Variants in CALN1 observed in about 807,000 individuals in gnomAD.
CALN1 encodes the protein calneuron 1, also known as calcium-binding protein 8.
In CALN1, 17 loss-of-function variants were observed where a neutral mutation model predicts 30.6. That is an observed-to-expected ratio of 0.56 (90% confidence interval 0.38 to 0.83). The LOEUF (loss-of-function observed/expected upper bound fraction) is 0.83. Ranked by LOEUF, CALN1 falls within the 40% of genes least tolerant of loss-of-function variation. The probability of loss-of-function intolerance (pLI) is 0.00; values close to 1 mark genes in which losing one functional copy is unlikely to be tolerated. For synonymous variants in CALN1, 156 were observed against 131.4 expected (o/e 1.19, Z -1.28); for missense variants, 291 against 354.9 (o/e 0.82, Z 1.45).
intron 5 of CALN1, among the ~76,000 whole-genome samples, chr7:71,877,013 G>C (rs1409364630): frequency 3.3e-5 from 5 of 151,964 alleles, no homozygotes; most frequent in Non-Finnish European, 5.9e-5. Context: ...TTGTTTCTTT[G>C]TTTTTGTTTT....
At position 72,231,115 on chromosome 7, in the gene CALN1, C is replaced by T. The variant is rs574714525; in HGVS notation, c.244+47571G>A. On this transcript the variant is annotated intron_variant, in intron 3 of 6. Coordinates refer to ENST00000395275, the MANE Select transcript of CALN1 (RefSeq NM_031468.4). ...CTATCAGATCAACTGTTGCAGTACACGCTTTTTTTTTTTAATTTTTATTTT... is the reference window on the plus strand; with the variant it reads ...CTATCAGATCAACTGTTGCAGTACATGCTTTTTTTTTTTAATTTTTATTTT... Among the ~76,000 whole-genome samples, 5 of 152,020 alleles carry T rather than the reference C, an allele frequency of 3.3e-5. No homozygotes were observed. The South Asian group carries it at 8.3e-4, about 25-fold the overall frequency.
chr7:71,792,757 C>T (rs1012346998), intron 6 of CALN1, among the ~76,000 whole-genome samples: 6 of 152,010 alleles, frequency 3.9e-5, no homozygotes, highest in Non-Finnish European at 7.4e-5. Context: ...CCGAAGGCAG[C>T]CCTTTTCCAT....
intron 4 of CALN1, among the ~76,000 whole-genome samples, chr7:72,088,026 G>A (rs1805595892): frequency 6.6e-6 from 1 of 152,108 alleles, no homozygotes; most frequent in Non-Finnish European, 1.5e-5. Context: ...AAATTTGCCA[G>A]GTGTGGTTGC....
intron 5 of CALN1, among the ~76,000 whole-genome samples, chr7:71,921,966 A>G (rs1447388386): frequency 6.6e-6 from 1 of 152,096 alleles, no homozygotes; most frequent in Non-Finnish European, 1.5e-5. Flanking sequence ...TCCTGTGCAC[A>G]CATTTCCATT....
chr7:72,389,823 G>A (rs1175442123), intron 2 of CALN1, among the ~76,000 whole-genome samples: 2 of 152,054 alleles, frequency 1.3e-5, no homozygotes, highest in Admixed American at 6.5e-5. Flanking sequence ...GGAGGCTGAG[G>A]CAGGAGAATC....
At chr7:72,210,995 A>C (rs905773875) in intron 3 of CALN1, among the ~76,000 whole-genome samples, 1 of 152,088 alleles carries the variant, frequency 6.6e-6, no homozygotes, top group Non-Finnish European at 1.5e-5. Context: ...TCAAGGCTGT[A>C]GTGAGCTATG....
intron 5 of CALN1, among the ~76,000 whole-genome samples, chr7:72,020,584 C>G (rs1232585080): frequency 1.3e-5 from 2 of 152,128 alleles, no homozygotes; most frequent in African/African-American, 4.8e-5. Flanking sequence ...TGGGTGAGCA[C>G]TAGCAGGAGA....
intron 5 of CALN1, among the ~76,000 whole-genome samples, chr7:71,979,671 G>GT (rs56780753): frequency 6.6e-6 from 1 of 151,994 alleles, no homozygotes; most frequent in Non-Finnish European, 1.5e-5. Context: ...CGGCCGGGGG[G>GT]TTGGGGACCC....
At chr7:71,870,094 CAA>C (rs1348578530) in intron 5 of CALN1, among the ~76,000 whole-genome samples, 3 of 152,098 alleles carry the variant, frequency 2.0e-5, no homozygotes, top group African/African-American at 4.8e-5. Context: ...TGTTAAGAAA[CAA>C]AGAGTGGCTG....
At chr7:72,402,453 A>G (rs1322999725) in intron 2 of CALN1, among the ~76,000 whole-genome samples, 2 of 152,178 alleles carry the variant, frequency 1.3e-5, no homozygotes, top group Non-Finnish European at 2.9e-5. Flanking sequence ...AAAGCTGGAG[A>G]TCCCATTCTG....
At chr7:72,232,523 C>G (rs866795302) in intron 3 of CALN1, among the ~76,000 whole-genome samples, 59 of 152,298 alleles carry the variant, frequency 3.9e-4, no homozygotes, top group African/African-American at 1.3e-3. Context: ...TGCAGTGGCA[C>G]CATCTTGGCT....
At chr7:72,211,883 A>T (rs180896433) in intron 3 of CALN1, among the ~76,000 whole-genome samples, 146 of 152,284 alleles carry the variant, frequency 9.6e-4, no homozygotes, top group Admixed American at 2.2e-3. Context: ...GAATTAAAGA[A>T]GATGATGATA....
intron 5 of CALN1, among the ~76,000 whole-genome samples, chr7:71,881,540 C>T (rs554452648): frequency 4.9e-4 from 74 of 152,268 alleles, no homozygotes; most frequent in African/African-American, 1.8e-3. Flanking sequence ...TTATCTTCTA[C>T]CAAGAAGCCA....
intron 5 of CALN1, among the ~76,000 whole-genome samples, chr7:71,920,872 T>C (rs1028073689): frequency 2.0e-5 from 3 of 152,154 alleles, no homozygotes; most frequent in Non-Finnish European, 2.9e-5. Context: ...CCCAAAAGAT[T>C]ATAAATCATT....
chr7:72,146,171 G>A (rs1207090705), intron 3 of CALN1, among the ~76,000 whole-genome samples: 3 of 152,180 alleles, frequency 2.0e-5, no homozygotes, highest in South Asian at 2.1e-4. Context: ...AGGAAAAGAG[G>A]AAGTCAAATT....
At chr7:72,093,610 C>A (rs1161113663) in intron 4 of CALN1, among the ~76,000 whole-genome samples, 1 of 152,174 alleles carries the variant, frequency 6.6e-6, no homozygotes, top group Non-Finnish European at 1.5e-5. Flanking sequence ...CAAGGTTTGA[C>A]CTTTATGGTA....
chr7:72,142,338 C>A (rs993504002), intron 3 of CALN1, among the ~76,000 whole-genome samples: 1 of 152,230 alleles, frequency 6.6e-6, no homozygotes, highest in Non-Finnish European at 1.5e-5. Context: ...CCGTGCCTGG[C>A]TCAGAGGATC....
intron 4 of CALN1, among the ~76,000 whole-genome samples, chr7:72,059,768 T>C (rs963044400): frequency 6.6e-6 from 1 of 152,088 alleles, no homozygotes; most frequent in African/African-American, 2.4e-5. Context: ...ACCTCATTTA[T>C]GATGAAACAT....
intron 3 of CALN1, among the ~76,000 whole-genome samples, chr7:72,156,204 A>G (rs1258047331): frequency 1.3e-5 from 2 of 152,154 alleles, no homozygotes; most frequent in African/African-American, 4.8e-5. Flanking sequence ...GGGTCCAGCA[A>G]TGGACTTCCA....
Sources: gnomAD v4.1 joint callset for allele counts (sites outside exome capture counted in the v4.1 genomes callset) on GRCh38, gnomAD v4.1.1 for gene constraint, MANE v1.5 for transcripts, NCBI Gene and HGNC (gene_info 2026-07-23, HGNC 2026-07-21) for gene names.